The following LDB2 variants were observed in gnomAD, a reference collection of about 807,000 sequenced individuals.
LDB2 encodes the protein LIM domain-binding protein 2.
Under a neutral mutation model 44.3 loss-of-function variants are expected in LDB2, and 12 were observed. The observed-to-expected ratio is 0.27, with a 90% CI of 0.17 to 0.44. The LOEUF (loss-of-function observed/expected upper bound fraction) is 0.44. LDB2 is among the 20% of genes least tolerant of loss of function. LDB2 has a pLI of 1.00. For synonymous variants in LDB2, 164 were observed against 174.8 expected (o/e 0.94, Z 0.49); for missense variants, 344 against 473.5 (o/e 0.73, Z 2.54).
chr4:16,870,171 T>G (rs111316259), intron 1 of LDB2, among the ~76,000 whole-genome samples: 3,986 of 152,246 alleles, frequency 0.026, 146 homozygotes, highest in African/African-American at 0.084. Context: ...ATTCAGTGTT[T>G]GGAAGACTAA....
At chr4:16,867,815 C>T (rs959419511) in intron 1 of LDB2, among the ~76,000 whole-genome samples, 8 of 152,112 alleles carry the variant, frequency 5.3e-5, no homozygotes, top group South Asian at 4.1e-4. Context: ...TGAAAAATGT[C>T]GGGCATTCAT....
intron 2 of LDB2, among the ~76,000 whole-genome samples, chr4:16,646,383 T>A (rs1736801889): frequency 6.6e-6 from 1 of 152,246 alleles, no homozygotes; most frequent in South Asian, 2.1e-4. Context: ...TCCACTCTTT[T>A]AATAGGCTTA....
intron 2 of LDB2, among the ~76,000 whole-genome samples, chr4:16,734,340 G>A (rs1052807920): frequency 2.6e-5 from 4 of 152,122 alleles, no homozygotes; most frequent in South Asian, 2.1e-4. Flanking sequence ...ATGAGAGAAC[G>A]AATAAATGAA....
intron 2 of LDB2, among the ~76,000 whole-genome samples, chr4:16,734,629 C>T (rs1406477378): frequency 2.0e-5 from 3 of 152,004 alleles, no homozygotes; most frequent in Admixed American, 6.6e-5. Flanking sequence ...GCCCCCTGGC[C>T]GAGGCCCTGT....
chr4:16,538,124 G>A (rs972237300), intron 5 of LDB2, among the ~76,000 whole-genome samples: 4 of 152,154 alleles, frequency 2.6e-5, no homozygotes, highest in Admixed American at 2.0e-4. Context: ...CCCATGGACT[G>A]TTTGGCTCAT....
intron 2 of LDB2, among the ~76,000 whole-genome samples, chr4:16,745,063 T>C (rs1764114781): frequency 6.6e-6 from 1 of 152,072 alleles, no homozygotes. Flanking sequence ...ACATCCGAGG[T>C]CATATGGTAA....
intron 4 of LDB2, among the ~76,000 whole-genome samples, chr4:16,586,910 A>G (rs552660306): frequency 6.6e-6 from 1 of 152,356 alleles, no homozygotes; most frequent in Admixed American, 6.5e-5. Flanking sequence ...AGACTAGATT[A>G]TACTAATGTG....
intron 2 of LDB2, among the ~76,000 whole-genome samples, chr4:16,603,534 G>T (rs1723130840): frequency 6.6e-6 from 1 of 152,120 alleles, no homozygotes; most frequent in Non-Finnish European, 1.5e-5. Context: ...ATTACATAGA[G>T]CTCCTGCTCT....
At chr4:16,601,126 G>A (rs1722470736) in intron 2 of LDB2, among the ~76,000 whole-genome samples, 1 of 152,108 alleles carries the variant, frequency 6.6e-6, no homozygotes, top group Non-Finnish European at 1.5e-5. Context: ...ACATAAACCT[G>A]GTGAGGCTGT....
intron 1 of LDB2, among the ~76,000 whole-genome samples, chr4:16,852,157 A>G (rs373647851): frequency 6.6e-6 from 1 of 152,294 alleles, no homozygotes; most frequent in East Asian, 1.9e-4. Flanking sequence ...TGAAGATGCA[A>G]TTATCTAAAA....
intron 2 of LDB2, among the ~76,000 whole-genome samples, chr4:16,707,696 A>G (rs1360839933): frequency 2.6e-5 from 4 of 151,976 alleles, no homozygotes; most frequent in Non-Finnish European, 5.9e-5. Flanking sequence ...TTCCTCCCCA[A>G]ACATTTAAAG....
At chr4:16,561,757 G>A (rs931323820) in intron 5 of LDB2, among the ~76,000 whole-genome samples, 57 of 152,240 alleles carry the variant, frequency 3.7e-4, no homozygotes, top group African/African-American at 1.2e-3. Flanking sequence ...AGCCCGCATC[G>A]CCAAGTCAAT....
intron 1 of LDB2, among the ~76,000 whole-genome samples, chr4:16,864,985 C>A (rs1302775353): frequency 6.6e-6 from 1 of 152,074 alleles, no homozygotes; most frequent in Non-Finnish European, 1.5e-5. Context: ...GTGGCTCACA[C>A]CTATAATCCC....
chr4:16,663,411 T>A (rs1373512016), intron 2 of LDB2, among the ~76,000 whole-genome samples: 4 of 152,178 alleles, frequency 2.6e-5, no homozygotes, highest in African/African-American at 9.7e-5. Context: ...AGGCTCATAA[T>A]TGGCAGTCAT....
At chr4:16,768,269 G>A (rs1476938416) in intron 1 of LDB2, among the ~76,000 whole-genome samples, 1 of 152,022 alleles carries the variant, frequency 6.6e-6, no homozygotes, top group East Asian at 1.9e-4. Flanking sequence ...ATGGGAGATG[G>A]GAGGGCATTG....
chr4:16,880,463 A>T (rs947912882), intron 1 of LDB2, among the ~76,000 whole-genome samples: 1 of 152,170 alleles, frequency 6.6e-6, no homozygotes, highest in African/African-American at 2.4e-5. Flanking sequence ...ACGTTTTTCT[A>T]GTTTGCATAG....
chr4:16,829,969 G>A (rs1415948501), intron 1 of LDB2, among the ~76,000 whole-genome samples: 1 of 152,102 alleles, frequency 6.6e-6, no homozygotes, highest in Non-Finnish European at 1.5e-5. Context: ...GCTGGGCGTG[G>A]TGCCGTGTGC....
At chr4:16,548,364 C>T (rs143287705) in intron 5 of LDB2, among the ~76,000 whole-genome samples, 1 of 152,308 alleles carries the variant, frequency 6.6e-6, no homozygotes, top group East Asian at 1.9e-4. Flanking sequence ...CCTTCATCTG[C>T]AATGCTCTTC....
intron 2 of LDB2, among the ~76,000 whole-genome samples, chr4:16,720,367 A>T (rs1758000616): frequency 6.6e-6 from 1 of 152,118 alleles, no homozygotes; most frequent in African/African-American, 2.4e-5. Flanking sequence ...ATGTCAGCTC[A>T]CACCTGAAAG....
Sources: gnomAD v4.1 joint callset for allele counts (sites outside exome capture counted in the v4.1 genomes callset) on GRCh38, gnomAD v4.1.1 for gene constraint, MANE v1.5 for transcripts, NCBI Gene and HGNC (gene_info 2026-07-23, HGNC 2026-07-21) for gene names.